The following DAB1 variants were observed in gnomAD, a reference collection of about 807,000 sequenced individuals.
DAB1 encodes the protein disabled homolog 1.
Under a neutral mutation model 64.6 loss-of-function variants are expected in DAB1, and 15 were observed. The observed-to-expected ratio is 0.23, with a 90% CI of 0.16 to 0.36. The LOEUF (loss-of-function observed/expected upper bound fraction) is 0.36. Ranked by LOEUF, DAB1 falls within the 10% of genes least tolerant of loss-of-function variation. The probability of loss-of-function intolerance (pLI) is 1.00; values close to 1 mark genes in which losing one functional copy is unlikely to be tolerated. For missense variants in DAB1, 596 were observed against 706.7 expected (o/e 0.84, Z 1.78); for synonymous variants, 235 against 251.9 (o/e 0.93, Z 0.64).
intron 4 of DAB1, among the ~76,000 whole-genome samples, chr1:58,284,873 T>A (rs1050810184): frequency 6.6e-6 from 1 of 152,212 alleles, no homozygotes; most frequent in African/African-American, 2.4e-5. Context: ...GGGTACACCT[T>A]CTGACTGCTT....
chr1:56,998,630 C>T (rs2101606616), intron 14 of DAB1, among the ~76,000 whole-genome samples: 1 of 152,310 alleles, frequency 6.6e-6, no homozygotes, highest in East Asian at 1.9e-4. Flanking sequence ...CACTTGAGAA[C>T]CCTGAAATTC....
Position 57,790,639 on chromosome 1 carries a change from T to A in DAB1, n.551+93360A>T, listed in dbSNP as rs191831345. ...CTAGGCAGCACAGAGGAGGGGCAGG[T>A]ATGACATCTGGTATCAGATGGGAGG... is the stretch of plus-strand genomic sequence containing the variant. On this transcript the variant is annotated intron_variant and non_coding_transcript_variant, in intron 6 of 20. Coordinates refer to the DAB1 transcript ENST00000485760. Among the ~76,000 whole-genome samples, 428 of 152,190 alleles carry A rather than the reference T, an allele frequency of 2.8e-3. 3 individuals carry two copies. The highest frequency in any genetic ancestry group is 5.2e-3 in the Admixed American group (79 of 15,282).
chr1:57,419,392 T>A (rs1442168196), intron 1 of DAB1, among the ~76,000 whole-genome samples: 1 of 151,036 alleles, frequency 6.6e-6, no homozygotes, highest in African/African-American at 2.4e-5. Context: ...TTCCTCAGAA[T>A]AACTGCGGAA....
At chr1:58,124,110 A>T (rs562388302) in intron 5 of DAB1, among the ~76,000 whole-genome samples, 2 of 152,190 alleles carry the variant, frequency 1.3e-5, no homozygotes, top group East Asian at 3.9e-4. Flanking sequence ...GTGCATGTTT[A>T]TCTGGTATCA....
intron 5 of DAB1, among the ~76,000 whole-genome samples, chr1:57,947,460 T>A (rs1448589373): frequency 6.6e-6 from 1 of 151,998 alleles, no homozygotes; most frequent in Non-Finnish European, 1.5e-5. Flanking sequence ...GGGCTGTGAG[T>A]TATACAACAC....
chr1:58,314,634 G>C (rs1662512341), intron 4 of DAB1, among the ~76,000 whole-genome samples: 1 of 152,202 alleles, frequency 6.6e-6, no homozygotes, highest in East Asian at 1.9e-4. Flanking sequence ...CTCCATTTTA[G>C]CAAACTGACT....
At chr1:58,359,501 C>T (rs1251764664) in intron 3 of DAB1, among the ~76,000 whole-genome samples, 1 of 152,172 alleles carries the variant, frequency 6.6e-6, no homozygotes, top group African/African-American at 2.4e-5. Flanking sequence ...CATTCTGGAA[C>T]ATGAAGACCA....
intron 1 of DAB1, among the ~76,000 whole-genome samples, chr1:58,533,403 C>T (rs904067839): frequency 8.5e-5 from 13 of 152,056 alleles, no homozygotes; most frequent in Non-Finnish European, 1.8e-4. Context: ...TAAATACATA[C>T]CTCATTGGGT....
intron 4 of DAB1, among the ~76,000 whole-genome samples, chr1:58,282,710 G>T (rs1254176692): frequency 6.6e-6 from 1 of 151,938 alleles, no homozygotes; most frequent in African/African-American, 2.4e-5. Context: ...TTGCCACTCT[G>T]CCCACTGGAA....
chr1:58,361,791 C>T (rs1482289159), intron 3 of DAB1, among the ~76,000 whole-genome samples: 12 of 149,946 alleles, frequency 8.0e-5, no homozygotes, highest in Non-Finnish European at 1.5e-4. Flanking sequence ...CTATTATTAA[C>T]ATTTGAGGCC....
intron 14 of DAB1, among the ~76,000 whole-genome samples, chr1:57,001,771 G>A (rs908525484): frequency 6.6e-6 from 1 of 152,114 alleles, no homozygotes; most frequent in African/African-American, 2.4e-5. Context: ...GTTCCTTCTG[G>A]CTTCGGAGGC....
chr1:57,090,927 C>T (rs529856558), intron 4 of DAB1, among the ~76,000 whole-genome samples: 5 of 152,208 alleles, frequency 3.3e-5, no homozygotes, highest in African/African-American at 7.2e-5. Flanking sequence ...TTGTGAACTG[C>T]GTGCCAGAGA....
At chr1:58,317,071 G>C (rs1662574263) in intron 4 of DAB1, among the ~76,000 whole-genome samples, 1 of 152,194 alleles carries the variant, frequency 6.6e-6, no homozygotes, top group Non-Finnish European at 1.5e-5. Context: ...TGCTGCGGAG[G>C]GAAGAGAGAG....
At chr1:57,572,567 G>A (rs1048646822) in intron 7 of DAB1, among the ~76,000 whole-genome samples, 1 of 152,082 alleles carries the variant, frequency 6.6e-6, no homozygotes, top group African/African-American at 2.4e-5. Flanking sequence ...CCCTTATAAG[G>A]GTGTTGTGAG....
intron 6 of DAB1, among the ~76,000 whole-genome samples, chr1:57,818,957 GAACT>G (rs1174407056): frequency 1.3e-5 from 2 of 152,012 alleles, no homozygotes; most frequent in African/African-American, 4.8e-5. Flanking sequence ...TTAATTTTAT[GAACT>G]AACAGAAAGA....
intron 9 of DAB1, among the ~76,000 whole-genome samples, chr1:57,034,076 C>T (rs963279218): frequency 2.6e-5 from 4 of 151,980 alleles, no homozygotes; most frequent in South Asian, 2.1e-4. Flanking sequence ...GTCAGGAGAT[C>T]GAGACCAGCC....
chr1:57,583,772 T>C (rs1645344465), intron 7 of DAB1, among the ~76,000 whole-genome samples: 1 of 152,202 alleles, frequency 6.6e-6, no homozygotes, highest in African/African-American at 2.4e-5. Context: ...TCACATGGGA[T>C]AGTGGTGGAA....
At chr1:57,385,279 A>G (rs1177943847) in intron 1 of DAB1, among the ~76,000 whole-genome samples, 3 of 152,262 alleles carry the variant, frequency 2.0e-5, no homozygotes, top group South Asian at 2.1e-4. Flanking sequence ...GATGTTTCAC[A>G]TAAAATTATT....
At chr1:57,121,429 G>C (rs1181387354) in intron 4 of DAB1, among the ~76,000 whole-genome samples, 1 of 151,942 alleles carries the variant, frequency 6.6e-6, no homozygotes, top group Non-Finnish European at 1.5e-5. Flanking sequence ...TCAGGGAAGT[G>C]GGGGAAGGGA....
Sources: allele counts gnomAD v4.1 joint callset (sites outside exome capture counted in the v4.1 genomes callset), GRCh38; gene constraint gnomAD v4.1.1; transcripts MANE v1.5; gene names NCBI Gene and HGNC (gene_info 2026-07-23, HGNC 2026-07-21).